The following DPYD variants were observed in gnomAD, a reference collection of about 807,000 sequenced individuals.
DPYD encodes dihydropyrimidine dehydrogenase, also known as dihydropyrimidine dehydrogenase [NADP(+)].
In DPYD, 109 loss-of-function variants were observed where a neutral mutation model predicts 116.2. That is an observed-to-expected ratio of 0.94 (90% CI 0.80 to 1.10). The LOEUF (loss-of-function observed/expected upper bound fraction) is 1.10. Ranked by LOEUF, DPYD falls within the 50% of genes least tolerant of loss-of-function variation. The pLI, the probability that DPYD is intolerant of heterozygous loss-of-function variation, is 0.00. For missense variants in DPYD, 1,302 were observed against 1,254.5 expected, an observed-to-expected ratio of 1.04 and a Z score of -0.57; for synonymous variants, 440 against 432.0, an observed-to-expected ratio of 1.02 and a Z score of -0.23.
chr1:97,408,612 A>G (rs1673804451), intron 14 of DPYD, among the ~76,000 whole-genome samples: 1 of 152,094 alleles, frequency 6.6e-6, no homozygotes, highest in Non-Finnish European at 1.5e-5. Context: ...TGGACTTGTG[A>G]TAGTTAAAAT....
At chr1:97,706,567 C>T (rs549611438) in intron 5 of DPYD, among the ~76,000 whole-genome samples, 2 of 152,158 alleles carry the variant, frequency 1.3e-5, no homozygotes, top group South Asian at 2.1e-4. Flanking sequence ...TTTTTAGTGC[C>T]TCCATAGTTT....
intron 19 of DPYD, among the ~76,000 whole-genome samples, chr1:97,228,490 G>A (rs115207132): frequency 0.011 from 1,725 of 152,184 alleles, 37 homozygotes; most frequent in African/African-American, 0.039. Flanking sequence ...ACTAATTTGA[G>A]TGTAAATCTT....
intron 3 of DPYD, among the ~76,000 whole-genome samples, chr1:97,813,363 T>C (rs1034251539): frequency 6.6e-6 from 1 of 151,982 alleles, no homozygotes; most frequent in South Asian, 2.1e-4. Context: ...ATTATAAACA[T>C]CATCTAAGAG....
At chr1:97,645,988 T>C (rs1658237217) in intron 8 of DPYD, among the ~76,000 whole-genome samples, 1 of 152,046 alleles carries the variant, frequency 6.6e-6, no homozygotes, top group Non-Finnish European at 1.5e-5. Flanking sequence ...CTGTGAGGAG[T>C]GTAAAGCCAG....
chr1:97,726,037 T>C (rs1288666499), intron 4 of DPYD, among the ~76,000 whole-genome samples: 1 of 151,570 alleles, frequency 6.6e-6, no homozygotes, highest in Non-Finnish European at 1.5e-5. Flanking sequence ...GTGGGAATTA[T>C]ATACTCAATT....
At chr1:97,721,812 T>G in intron 4 of DPYD, 141 bp from the exon 5 acceptor site, 2 of 756,378 alleles carry the variant, frequency 2.6e-6, no homozygotes, top group Non-Finnish European at 4.3e-6. Context: ...TCAATACTAC[T>G]ATCAGGAACC....
intron 2 of DPYD, among the ~76,000 whole-genome samples, chr1:97,872,750 A>C (rs1558022889): frequency 1.3e-5 from 2 of 151,970 alleles, no homozygotes; most frequent in African/African-American, 4.8e-5. Context: ...ACCAGACTAT[A>C]GAACTTTTCG....
chr1:97,743,745 T>C (rs1194418784), intron 3 of DPYD, among the ~76,000 whole-genome samples: 1 of 152,112 alleles, frequency 6.6e-6, no homozygotes, highest in African/African-American at 2.4e-5. Context: ...TCAACAATTA[T>C]CGTAAACCAC....
intron 12 of DPYD, among the ~76,000 whole-genome samples, chr1:97,528,633 C>A (rs1353130841): frequency 2.0e-5 from 3 of 152,130 alleles, no homozygotes. Flanking sequence ...AGTTTTCCCC[C>A]ATTTACTTTA....
chr1:97,493,251 G>GA (rs1288960398), intron 13 of DPYD, among the ~76,000 whole-genome samples: 1 of 152,110 alleles, frequency 6.6e-6, no homozygotes, highest in Admixed American at 6.6e-5. Flanking sequence ...ATAATGTTGG[G>GA]ACACCTTTAA....
intron 19 of DPYD, among the ~76,000 whole-genome samples, chr1:97,224,999 GTCTGTCTATCTA>G (rs1471658095): frequency 0.064 from 9,051 of 141,902 alleles, 328 homozygotes; most frequent in African/African-American, 0.098. Context: ...CTATCTGTCT[GTCTGTCTATCTA>G]TCTATCTATC....
At chr1:97,185,596 AAATT>A (rs1457020339) in intron 20 of DPYD, among the ~76,000 whole-genome samples, 1 of 152,242 alleles carries the variant, frequency 6.6e-6, no homozygotes, top group Non-Finnish European at 1.5e-5. Flanking sequence ...TAGAGTAAAT[AAATT>A]GTGGTATTTT....
intron 2 of DPYD, 42 bp downstream of exon 2, chr1:97,883,222 G>T: frequency 1.5e-6 from 2 of 1,336,814 alleles, no homozygotes; most frequent in Non-Finnish European, 2.2e-6. Context: ...TGTGTGGAGT[G>T]AGGTAATTTT....
rs558955680 is a variant in DPYD at position 97,645,581 on chromosome 1, A to T, written c.850+33514T>A. Among the ~76,000 whole-genome samples, 122 of 151,968 alleles carry T rather than the reference A, an allele frequency of 8.0e-4. 1 individual carries two copies. Among genetic ancestry groups the T allele is most frequent in the Middle Eastern group, 3.4e-3 (1 of 292 alleles). ...ATTTGTGTCTGTTTCTGTTTTTTTA[A>T]TCTGTTCTGTTAATATATGTTTTCA... On this transcript the variant is annotated intron_variant, in intron 8 of 22. Coordinates refer to ENST00000370192, the MANE Select transcript of DPYD (RefSeq NM_000110.4).
At chr1:97,318,546 A>G (rs1668011812) in intron 16 of DPYD, among the ~76,000 whole-genome samples, 1 of 152,092 alleles carries the variant, frequency 6.6e-6, no homozygotes, top group African/African-American at 2.4e-5. Flanking sequence ...CTAAATATTT[A>G]TGCAACCAAT....
At chr1:97,804,241 G>T (rs1468472601) in intron 3 of DPYD, among the ~76,000 whole-genome samples, 2 of 151,668 alleles carry the variant, frequency 1.3e-5, no homozygotes, top group Non-Finnish European at 3.0e-5. Flanking sequence ...AATAATGCCT[G>T]TTCTTTATGT....
chr1:97,179,935 G>A (rs1657538089), intron 20 of DPYD, among the ~76,000 whole-genome samples: 1 of 152,124 alleles, frequency 6.6e-6, no homozygotes, highest in Non-Finnish European at 1.5e-5. Context: ...AAGGAAAGGA[G>A]ATGGATATTT....
intron 12 of DPYD, among the ~76,000 whole-genome samples, chr1:97,517,455 A>G (rs1340117757): frequency 6.6e-6 from 1 of 152,108 alleles, no homozygotes; most frequent in Non-Finnish European, 1.5e-5. Context: ...AGTAAACCGA[A>G]TATATACGAT....
At chr1:97,488,763 G>A (rs936208647) in intron 13 of DPYD, among the ~76,000 whole-genome samples, 33 of 152,132 alleles carry the variant, frequency 2.2e-4, no homozygotes, top group African/African-American at 2.4e-5. Context: ...AAAGGTTACC[G>A]CCCCTTTCCA....
Sources: gnomAD v4.1 joint callset for allele counts (sites outside exome capture counted in the v4.1 genomes callset) on GRCh38, gnomAD v4.1.1 for gene constraint, MANE v1.5 for transcripts, NCBI Gene and HGNC (gene_info 2026-07-23, HGNC 2026-07-21) for gene names.